The following TTC27 variants were observed in gnomAD, a reference collection of about 807,000 sequenced individuals.
The protein encoded by TTC27 is tetratricopeptide repeat domain 27.
A neutral mutation model predicts 115.9 loss-of-function variants in TTC27; 79 were observed. The ratio of observed to expected loss-of-function variants is 0.68; its 90% CI spans 0.57 to 0.82. The LOEUF (loss-of-function observed/expected upper bound fraction) is 0.82, where lower values mean the gene tolerates loss of function less well. TTC27 is among the 40% of genes least tolerant of loss of function. The pLI is 0.00. For synonymous variants in TTC27, 401 were observed against 356.0 expected (o/e 1.13, Z -1.42); for missense variants, 1,054 against 993.1 (o/e 1.06, Z -0.82).
At chr2:32,771,717 A>G (rs1272790028) in intron 13 of TTC27, among the ~76,000 whole-genome samples, 1 of 152,178 alleles carries the variant, frequency 6.6e-6, no homozygotes, top group African/African-American at 2.4e-5. Flanking sequence ...GGCAGTGCAC[A>G]TGAGGAAAAA....
At chr2:32,686,547 G>T (rs1032088805) in intron 9 of TTC27, among the ~76,000 whole-genome samples, 1 of 152,050 alleles carries the variant, frequency 6.6e-6, no homozygotes, top group African/African-American at 2.4e-5. Context: ...TTTGGGTAGA[G>T]ACAGAGTTTT....
intron 12 of TTC27, among the ~76,000 whole-genome samples, chr2:32,754,451 A>G (rs1366986230): frequency 6.7e-6 from 1 of 149,546 alleles, no homozygotes; most frequent in African/African-American, 2.5e-5. Context: ...CAGAGAGCAC[A>G]GGGTTGGGGG....
At chr2:32,644,180 C>CAA (rs70938356) in intron 4 of TTC27, among the ~76,000 whole-genome samples, 137 of 75,272 alleles carry the variant, frequency 1.8e-3, no homozygotes, top group African/African-American at 2.9e-3. Context: ...GACTCTGTTT[C>CAA]AAAAAAAAAA....
intron 9 of TTC27, among the ~76,000 whole-genome samples, chr2:32,702,161 G>A (rs1257117228): frequency 6.6e-6 from 1 of 151,992 alleles, no homozygotes; most frequent in African/African-American, 2.4e-5. Context: ...TGTACTCTAA[G>A]ATGTTTTCCA....
intron 18 of TTC27, among the ~76,000 whole-genome samples, chr2:32,817,247 T>TAA (rs538198225): frequency 4.9e-5 from 7 of 142,612 alleles, no homozygotes; most frequent in South Asian, 4.5e-4. Context: ...CCCTGTATCT[T>TAA]AAAAAAAAAA....
Position 32,817,526 on chromosome 2 carries a change from T to C in TTC27, c.2378T>C (p.Leu793Pro). Residue 793 changes from leucine to proline, a missense_variant, in exon 19 of 20, where the codon CTC becomes CCC. Coordinates refer to ENST00000317907, the MANE Select transcript of TTC27 (RefSeq NM_017735.5). ...GTACAAATGCTTTCTTCTGTTCGACTCAATTTACGGGGCTTGTTATCTAAA... is the reference window on the plus strand; with the variant it reads ...GTACAAATGCTTTCTTCTGTTCGACCCAATTTACGGGGCTTGTTATCTAAA... ...EAVQMLSSVR[L>P]NLRGLLSKAK... 2 of 1,614,110 alleles carry C rather than the reference T, an allele frequency of 1.2e-6. No homozygotes were observed. The highest frequency in any genetic ancestry group is 8.5e-7 in the Non-Finnish European group (1 of 1,179,980).
chr2:32,656,223 G>C (rs1202578450), intron 5 of TTC27, among the ~76,000 whole-genome samples: 1 of 152,138 alleles, frequency 6.6e-6, no homozygotes, highest in African/African-American at 2.4e-5. Flanking sequence ...ACTGCGCTAT[G>C]TGCTGTGGAT....
chr2:32,736,871 T>C, intron 12 of TTC27, 55 bp downstream of exon 12: 1 of 1,574,388 alleles, frequency 6.4e-7, no homozygotes, highest in African/African-American at 1.4e-5. Context: ...TGGGAGCATC[T>C]TCTCACTTGT....
At chr2:32,721,084 A>G (rs1667908731) in intron 10 of TTC27, among the ~76,000 whole-genome samples, 1 of 152,182 alleles carries the variant, frequency 6.6e-6, no homozygotes, top group Non-Finnish European at 1.5e-5. Flanking sequence ...GGTTTGCCTA[A>G]TGAGTGGGTA....
At chr2:32,778,572 C>T (rs1382473113) in intron 14 of TTC27, among the ~76,000 whole-genome samples, 3 of 152,204 alleles carry the variant, frequency 2.0e-5, no homozygotes, top group Non-Finnish European at 4.4e-5. Flanking sequence ...CTATTATGAA[C>T]ATTTCATATA....
At chr2:32,728,150 C>T (rs974444301) in intron 10 of TTC27, among the ~76,000 whole-genome samples, 1 of 151,336 alleles carries the variant, frequency 6.6e-6, no homozygotes, top group Non-Finnish European at 1.5e-5. Context: ...ACACCATTCT[C>T]CTGCCTCAGC....
chr2:32,819,549 T>G (rs1193953615), intron 19 of TTC27, among the ~76,000 whole-genome samples: 1 of 152,196 alleles, frequency 6.6e-6, no homozygotes, highest in African/African-American at 2.4e-5. Flanking sequence ...TATGTTAAAT[T>G]GCTTGCAGCC....
At chr2:32,628,519 C>G in intron 1 of TTC27, 139 bp downstream of exon 1, 2 of 858,902 alleles carry the variant, frequency 2.3e-6, no homozygotes, top group South Asian at 2.1e-5. Context: ...GTCGTTTAGT[C>G]TTTGACATGG....
chr2:32,779,222 C>CAA (rs71407472), intron 14 of TTC27, among the ~76,000 whole-genome samples: 204 of 146,754 alleles, frequency 1.4e-3, no homozygotes, highest in African/African-American at 3.9e-3. Flanking sequence ...GATTCTGTCT[C>CAA]AAAAAAAAAA....
intron 10 of TTC27, among the ~76,000 whole-genome samples, chr2:32,726,342 T>A (rs1164743685): frequency 1.3e-5 from 2 of 152,198 alleles, no homozygotes; most frequent in Non-Finnish European, 2.9e-5. Context: ...TTTAACAGCA[T>A]CCAAGTCACC....
intron 5 of TTC27, among the ~76,000 whole-genome samples, chr2:32,661,584 G>A (rs1665549589): frequency 6.6e-6 from 1 of 152,156 alleles, no homozygotes; most frequent in Admixed American, 6.6e-5. Flanking sequence ...TGTTATTGGT[G>A]TATAGGAATA....
chr2:32,677,692 A>C (rs538113153), intron 8 of TTC27, among the ~76,000 whole-genome samples: 3 of 152,180 alleles, frequency 2.0e-5, no homozygotes, highest in Middle Eastern at 6.8e-3. Flanking sequence ...CTCATGATTC[A>C]TTCGCCTGCC....
At chr2:32,787,682 T>C (rs1418358992) in intron 16 of TTC27, among the ~76,000 whole-genome samples, 1 of 152,158 alleles carries the variant, frequency 6.6e-6, no homozygotes, top group Non-Finnish European at 1.5e-5. Context: ...TCATCCAAAA[T>C]ATTAAATAAA....
At chr2:32,713,344 T>G (rs1013322195) in intron 10 of TTC27, among the ~76,000 whole-genome samples, 2 of 152,132 alleles carry the variant, frequency 1.3e-5, no homozygotes, top group Non-Finnish European at 2.9e-5. Flanking sequence ...CAAAACATTT[T>G]TGAAAAAAAA....
Sources: allele counts gnomAD v4.1 joint callset (sites outside exome capture counted in the v4.1 genomes callset), GRCh38; gene constraint gnomAD v4.1.1; transcripts MANE v1.5; gene names NCBI Gene and HGNC (gene_info 2026-07-23, HGNC 2026-07-21).